Variants in PCSK1 observed in about 807,000 individuals in gnomAD.
PCSK1 encodes the protein neuroendocrine convertase 1.
Under a neutral mutation model 90.6 loss-of-function variants are expected in PCSK1, and 56 were observed. The ratio of observed to expected loss-of-function variants is 0.62; its 90% CI spans 0.50 to 0.77. The LOEUF (loss-of-function observed/expected upper bound fraction) is 0.77, where lower values mean the gene tolerates loss of function less well. Ranked by LOEUF, PCSK1 falls within the 30% of genes least tolerant of loss-of-function variation. The pLI is 0.00. For missense variants in PCSK1, 801 were observed against 932.6 expected, an observed-to-expected ratio of 0.86 and a Z score of 1.84; for synonymous variants, 348 against 342.4, an observed-to-expected ratio of 1.02 and a Z score of -0.18.
chr5:96,424,997 GAGAA>G (rs1350590012), intron 3 of PCSK1, among the ~76,000 whole-genome samples: 2 of 100,186 alleles, frequency 2.0e-5, no homozygotes, highest in Admixed American at 1.1e-4. Context: ...AAGAAAGAAA[GAGAA>G]AGAAAGAAAA....
chr5:96,415,929 G>A (rs1211086497), intron 6 of PCSK1, 104 bp downstream of exon 6: 7 of 770,180 alleles, frequency 9.1e-6, no homozygotes, highest in Non-Finnish European at 1.4e-5. Flanking sequence ...GAACTAATTT[G>A]TTCCTCCAGT....
At chr5:96,400,270 T>C (rs895652831) in intron 9 of PCSK1, 84 bp from the exon 10 acceptor site, 5 of 904,528 alleles carry the variant, frequency 5.5e-6, no homozygotes, top group African/African-American at 4.9e-5. Context: ...AGCATCTCCA[T>C]TCAGGGATTA....
At chr5:96,397,588 A>T in intron 11 of PCSK1, 119 bp from the exon 12 acceptor site, 1 of 908,488 alleles carries the variant, frequency 1.1e-6, no homozygotes, top group Non-Finnish European at 1.8e-6. Context: ...TTTCTCTTTT[A>T]GTATAAGACC....
chr5:96,396,303 G>A (rs1760140881), intron 12 of PCSK1, among the ~76,000 whole-genome samples: 3 of 152,298 alleles, frequency 2.0e-5, no homozygotes, highest in South Asian at 2.1e-4. Context: ...GCTTACACCT[G>A]TAATCCCACC....
rs1039656759 is a variant in PCSK1 at position 96,390,688 on chromosome 5, A to G, written c.*2313T>C. 4 of 152,646 alleles carry G rather than the reference A, an allele frequency of 2.6e-5. No homozygotes were observed. The highest frequency in any genetic ancestry group is 7.2e-5 in the African/African-American group (3 of 41,466). The allele number at this position is 152,646 out of a possible 1,614,324, so 9.5% of individuals were successfully genotyped here. On this transcript the variant is annotated 3_prime_UTR_variant, in exon 14 of 14. Coordinates refer to ENST00000311106, the MANE Select transcript of PCSK1 (RefSeq NM_000439.5). ...TTCTGTTTGATAAAAGCATTGGTAT[A>G]TTATAAATACCTGTAAAGAAAATAT...
chr5:96,394,734 C>T (rs142422519), intron 13 of PCSK1, 130 bp downstream of exon 13: 38 of 803,670 alleles, frequency 4.7e-5, no homozygotes, highest in Middle Eastern at 4.5e-4. Flanking sequence ...GAATAGTTTA[C>T]CACTATCACT....
Position 96,392,726 on chromosome 5 carries a change from G to T in PCSK1, c.*275C>A. 2.0e-6 allele frequency: 1 copy of T among 493,534 alleles called. No individual in the cohort carries two copies. 30.6% of individuals were successfully genotyped at this position (493,534 alleles called of 1,614,324 possible). A position where few individuals can be genotyped will look rare whatever the true frequency, so the allele number is the denominator to read the frequency against. On this transcript the variant is annotated 3_prime_UTR_variant, in exon 14 of 14. Transcript: ENST00000311106. ...TGCAGTGTTCTAATGTAGTGTAAGA[G>T]CTTTTTGTCAACTGTGACTCCAGAA...
intron 6 of PCSK1, among the ~76,000 whole-genome samples, chr5:96,412,752 G>GTTTTTTTTTTTTTGTTTTTTTTTTTTTTT (rs1554058734): frequency 1.1e-4 from 8 of 71,804 alleles, no homozygotes; most frequent in African/African-American, 7.2e-4. Flanking sequence ...CAGCTGTGAT[G>GTTTTTTTTTTTTTGTTTTTTTTTTTTTTT]TTTTTTTTTT....
intron 7 of PCSK1, among the ~76,000 whole-genome samples, chr5:96,411,833 A>G (rs1482068787): frequency 6.6e-6 from 1 of 152,196 alleles, no homozygotes; most frequent in Non-Finnish European, 1.5e-5. Context: ...GTTTTGAGGC[A>G]GGGTCTCACT....
At chr5:96,411,059 C>G in intron 7 of PCSK1, 73 bp from the exon 8 acceptor site, 1 of 1,039,338 alleles carries the variant, frequency 9.6e-7, no homozygotes, top group Non-Finnish European at 1.5e-6. Flanking sequence ...AATAAAATCC[C>G]CAACGACTAC....
At chr5:96,408,149 C>T (rs988291327) in intron 9 of PCSK1, 74 bp downstream of exon 9, 1 of 1,068,202 alleles carries the variant, frequency 9.4e-7, no homozygotes, top group Non-Finnish European at 1.4e-6. Context: ...ACCATGTATT[C>T]AGAAAAAAAA....
In PCSK1 at chr5:96,392,263, G is replaced by T. The variant is rs549731893; in HGVS notation, c.*738C>A. 7 of 151,980 alleles carry T rather than the reference G, an allele frequency of 4.6e-5. No homozygotes were observed. In the South Asian group the frequency reaches 1.5e-3, roughly 32 times the overall value. The allele number at this position is 151,980 out of a possible 1,614,324, so 9.4% of individuals were successfully genotyped here. ...AGGAGACAGGTATAGAAAACTTTCA[G>T]AAGGAGAAACAGAGGAAAGACCAGG... On this transcript the variant is annotated 3_prime_UTR_variant, in exon 14 of 14. Transcript: ENST00000311106.
chr5:96,398,955 C>T lies in PCSK1; in HGVS notation c.1512G>A (p.Leu504=), dbSNP rs765711603. 1.2e-6 allele frequency: 2 copies of T among 1,612,286 alleles called. No homozygotes were observed. Among genetic ancestry groups the T allele is most frequent in the African/African-American group, 1.3e-5 (1 of 74,880 alleles). The change falls in exon 11 of 14, where the codon CTG becomes CTA. Residue 504 remains leucine (L), a synonymous_variant. Coordinates refer to ENST00000311106, the MANE Select transcript of PCSK1 (RefSeq NM_000439.5). ...TTGTTGCTTCAAATTGTACATGCTCCAGGGACTTGATAGCATTTTCTTGTC... is the reference window on the plus strand; with the variant it reads ...TTGTTGCTTCAAATTGTACATGCTCTAGGGACTTGATAGCATTTTCTTGTC... ...CEGQENAIKS[L]EHVQFEATIE...
intron 1 of PCSK1, 38 bp downstream of exon 1, chr5:96,432,824 TG>T: frequency 6.3e-7 from 1 of 1,593,298 alleles, no homozygotes; most frequent in Non-Finnish European, 8.6e-7. Flanking sequence ...GCCAGTCCCC[TG>T]GGGCCCCAGA....
At chr5:96,395,137 G>T in intron 12 of PCSK1, 112 bp from the exon 13 acceptor site, 2 of 906,132 alleles carry the variant, frequency 2.2e-6, no homozygotes, top group Non-Finnish European at 3.6e-6. Context: ...AAGATTCTGT[G>T]CATTTCATGT....
At chr5:96,423,541 C>T in intron 3 of PCSK1, 82 bp from the exon 4 acceptor site, 1 of 1,264,128 alleles carries the variant, frequency 7.9e-7, no homozygotes, top group South Asian at 1.2e-5. Flanking sequence ...AACCTGGAGA[C>T]CCATCTTTCT....
intron 12 of PCSK1, among the ~76,000 whole-genome samples, chr5:96,397,025 T>A (rs1260511580): frequency 6.6e-6 from 1 of 152,234 alleles, no homozygotes; most frequent in South Asian, 2.1e-4. Context: ...TGATTGATTT[T>A]GTTGGCTGAA....
intron 3 of PCSK1, among the ~76,000 whole-genome samples, chr5:96,425,180 T>C (rs1761267994): frequency 6.6e-6 from 1 of 152,246 alleles, no homozygotes; most frequent in South Asian, 2.1e-4. Flanking sequence ...TATAAAATTC[T>C]CAACAACAAA....
intron 6 of PCSK1, among the ~76,000 whole-genome samples, chr5:96,415,460 C>G (rs1251678004): frequency 6.6e-6 from 1 of 152,202 alleles, no homozygotes; most frequent in Non-Finnish European, 1.5e-5. Flanking sequence ...TTGGTTTTCT[C>G]TAATTCTTGT....
Sources: allele counts gnomAD v4.1 joint callset (sites outside exome capture counted in the v4.1 genomes callset), GRCh38; gene constraint gnomAD v4.1.1; transcripts MANE v1.5; gene names NCBI Gene and HGNC (gene_info 2026-07-23, HGNC 2026-07-21).